The following CDKN2B-AS1 variants were observed in gnomAD, a reference collection of about 807,000 sequenced individuals.
CDKN2B-AS1 encodes the protein CDKN2B and CDKN2A antisense cis and trans regulatory RNA 1.
chr9:22,067,505 A>G (rs1247678216), intron 4 of CDKN2B-AS1, among the ~76,000 whole-genome samples: 3 of 152,074 alleles, frequency 2.0e-5, no homozygotes, highest in Admixed American at 6.6e-5. Flanking sequence ...CAGAGTGCTT[A>G]TTTAAAGAAA....
chr9:22,026,290 C>G (rs1350297645), intron 1 of CDKN2B-AS1, among the ~76,000 whole-genome samples: 2 of 151,716 alleles, frequency 1.3e-5, no homozygotes, highest in Non-Finnish European at 2.9e-5. Flanking sequence ...AGCTGGAGAA[C>G]ACTGGCAGGT....
At position 22,005,169 on chromosome 9, in the gene CDKN2B-AS1, C is replaced by T. The variant is rs1821106664; in HGVS notation, n.29+10008C>T. On this transcript the variant is annotated intron_variant and non_coding_transcript_variant, in intron 1 of 4. Coordinates refer to ENST00000650946, the Ensembl canonical transcript of CDKN2B-AS1. The surrounding 1 kb of genome is among the most constrained non-coding windows in gnomAD (Gnocchi z 4.9). ...AAGAAAACGTTACAGTTAACCGTTA[C>T]AATTGCTCTCACTCCACTCCACCAC... 1 of 232,828 alleles carries T rather than the reference C, an allele frequency of 4.3e-6. No homozygotes were observed. Among genetic ancestry groups the T allele is most frequent in the Non-Finnish European group, 8.5e-6 (1 of 118,170 alleles). 14.4% of individuals were successfully genotyped at this position (232,828 alleles called of 1,614,324 possible). A position where few individuals can be genotyped will look rare whatever the true frequency, so the allele number is the denominator to read the frequency against.
At chr9:22,118,723 TAGCTC>T (rs1347481732) in intron 4 of CDKN2B-AS1, 1 of 152,200 alleles carries the variant, frequency 6.6e-6, no homozygotes, top group Non-Finnish European at 1.5e-5. Context: ...CACCATAAGT[TAGCTC>T]AGAGCAATTC....
chr9:22,127,606 G>A (rs1365891198), exon 5 of CDKN2B-AS1, among the ~76,000 whole-genome samples: 2 of 152,286 alleles, frequency 1.3e-5, no homozygotes, highest in East Asian at 3.9e-4. Flanking sequence ...TGAGGGCAAT[G>A]AGTGTTGCAC....
intron 4 of CDKN2B-AS1, among the ~76,000 whole-genome samples, chr9:22,123,504 G>A (rs1826137316): frequency 6.6e-6 from 1 of 152,190 alleles, no homozygotes. Context: ...AAGTTGGGGA[G>A]AAATGTGTTT....
intron 4 of CDKN2B-AS1, among the ~76,000 whole-genome samples, chr9:22,085,176 T>G (rs1824826250): frequency 6.6e-6 from 1 of 152,152 alleles, no homozygotes; most frequent in African/African-American, 2.4e-5. Context: ...TTCCAATACT[T>G]GGGTTATGAT....
chr9:22,122,015 G>C (rs1022470082), intron 4 of CDKN2B-AS1, among the ~76,000 whole-genome samples: 6 of 151,520 alleles, frequency 4.0e-5, no homozygotes, highest in Non-Finnish European at 8.8e-5. Context: ...CCCACCAACA[G>C]TGTATAAGAA....
intron 4 of CDKN2B-AS1, among the ~76,000 whole-genome samples, chr9:22,105,253 G>T (rs989477563): frequency 6.6e-6 from 1 of 152,226 alleles, no homozygotes; most frequent in Non-Finnish European, 1.5e-5. Flanking sequence ...CAGCGGAAAT[G>T]AAAGTGATTA....
At chr9:22,097,170 T>C (rs1825310717) in intron 4 of CDKN2B-AS1, 2 of 152,234 alleles carry the variant, frequency 1.3e-5, no homozygotes, top group Non-Finnish European at 2.9e-5. Flanking sequence ...GTCAAGGTGA[T>C]GGTAATTTAC....
intron 1 of CDKN2B-AS1, among the ~76,000 whole-genome samples, chr9:22,019,864 C>G (rs1410958510): frequency 6.6e-6 from 1 of 151,982 alleles, no homozygotes; most frequent in East Asian, 1.9e-4. Context: ...TAATACCAAA[C>G]CCTTTAAAAA....
At chr9:22,064,941 C>T (rs1823978127) in intron 4 of CDKN2B-AS1, among the ~76,000 whole-genome samples, 1 of 152,192 alleles carries the variant, frequency 6.6e-6, no homozygotes, top group Non-Finnish European at 1.5e-5. Context: ...AGCACTTTAA[C>T]AACTCTAAAT....
chr9:22,121,701 C>T (rs1826107795), intron 4 of CDKN2B-AS1, among the ~76,000 whole-genome samples: 1 of 152,052 alleles, frequency 6.6e-6, no homozygotes, highest in African/African-American at 2.4e-5. Flanking sequence ...AACACAGTGT[C>T]CTCCAAGAGC....
intron 1 of CDKN2B-AS1, among the ~76,000 whole-genome samples, chr9:22,038,682 C>T (rs925290991): frequency 6.6e-6 from 1 of 151,918 alleles, no homozygotes; most frequent in Non-Finnish European, 1.5e-5. Context: ...GTAATTTCTT[C>T]TGTCAAGGAA....
intron 1 of CDKN2B-AS1, chr9:22,046,449 G>A (rs1377802953): frequency 6.6e-6 from 1 of 152,118 alleles, no homozygotes; most frequent in Non-Finnish European, 1.5e-5. Context: ...GAACAGCTAA[G>A]GTTGTCATAG....
chr9:22,102,156 A>C (rs758025597), intron 4 of CDKN2B-AS1, among the ~76,000 whole-genome samples: 5 of 152,206 alleles, frequency 3.3e-5, no homozygotes, highest in Non-Finnish European at 7.3e-5. Context: ...ACTGAGATGC[A>C]TCTGAATGAC....
At chr9:22,066,715 CAT>C (rs1440108670) in intron 4 of CDKN2B-AS1, among the ~76,000 whole-genome samples, 2 of 151,774 alleles carry the variant, frequency 1.3e-5, no homozygotes, top group African/African-American at 4.8e-5. Context: ...TTAATTTTAG[CAT>C]AGAGTTACCA....
At chr9:22,051,114 A>G (rs1823326344) in intron 3 of CDKN2B-AS1, among the ~76,000 whole-genome samples, 1 of 151,704 alleles carries the variant, frequency 6.6e-6, no homozygotes. Context: ...TGTAATTTCC[A>G]CTCTACTTCC....
intron 4 of CDKN2B-AS1, among the ~76,000 whole-genome samples, chr9:22,089,796 T>C (rs1362524555): frequency 6.6e-6 from 1 of 152,108 alleles, no homozygotes; most frequent in African/African-American, 2.4e-5. Flanking sequence ...ATTGAGCCAA[T>C]GACTAATTTC....
chr9:22,069,727 A>G (rs1443738700), intron 4 of CDKN2B-AS1, among the ~76,000 whole-genome samples: 3 of 152,172 alleles, frequency 2.0e-5, no homozygotes, highest in Non-Finnish European at 4.4e-5. Flanking sequence ...TGTTAATCAT[A>G]GTCACTCTAC....
Sources: gnomAD v4.1 joint callset for allele counts (sites outside exome capture counted in the v4.1 genomes callset) on GRCh38, gnomAD v4.1.1 for gene constraint, Gnocchi (gnomAD v3.1) non-coding constraint, MANE v1.5 for transcripts, NCBI Gene and HGNC (gene_info 2026-07-23, HGNC 2026-07-21) for gene names.